BBOF1: variants seen among roughly 807,000 people sequenced by gnomAD.
BBOF1 encodes the protein basal body orientation factor 1.
BBOF1 carries 62 observed loss-of-function variants against 68.0 expected under a neutral mutation model. The ratio of observed to expected loss-of-function variants is 0.91; its 90% CI spans 0.74 to 1.13. The LOEUF (loss-of-function observed/expected upper bound fraction) is 1.13, where lower values mean the gene tolerates loss of function less well. Among genes scored for constraint, BBOF1 ranks in the 50% most tolerant of loss-of-function variants. The probability of loss-of-function intolerance (pLI) is 0.00; values close to 1 mark genes in which losing one functional copy is unlikely to be tolerated. For synonymous variants in BBOF1, 208 were observed against 198.8 expected, an observed-to-expected ratio of 1.05 and a Z score of -0.39; for missense variants, 534 against 600.1, an observed-to-expected ratio of 0.89 and a Z score of 1.15.
chr14:74,024,417 C>T (rs1290919437), intron 2 of BBOF1, among the ~76,000 whole-genome samples: 2 of 152,118 alleles, frequency 1.3e-5, no homozygotes, highest in African/African-American at 4.8e-5. Flanking sequence ...GGTCATGTCA[C>T]GGCAGTCCAA....
At chr14:74,072,085 C>A in intron 9 of BBOF1, 2 of 1,571,128 alleles carry the variant, frequency 1.3e-6, no homozygotes, top group South Asian at 1.1e-5. Context: ...GGGAGAGAGT[C>A]ATGATCAACG....
At chr14:74,019,639 T>A in intron 1 of BBOF1, 105 bp downstream of exon 1, 1 of 1,508,532 alleles carries the variant, frequency 6.6e-7, no homozygotes, top group Non-Finnish European at 8.9e-7. Context: ...TCGGACCCTC[T>A]CCCCGGCTCT....
intron 8 of BBOF1, among the ~76,000 whole-genome samples, chr14:74,050,830 C>G (rs1430878111): frequency 6.6e-6 from 1 of 152,112 alleles, no homozygotes; most frequent in East Asian, 1.9e-4. Flanking sequence ...ATTTGTAGGC[C>G]AGGCATGGTG....
At chr14:74,048,125 G>A in intron 7 of BBOF1, 51 bp downstream of exon 7, 1 of 1,560,224 alleles carries the variant, frequency 6.4e-7, no homozygotes, top group African/African-American at 1.4e-5. Flanking sequence ...TTAAGGATTG[G>A]GTTGGTAAAT....
intron 10 of BBOF1, among the ~76,000 whole-genome samples, chr14:74,079,241 CTGAGG>C (rs2060645720): frequency 6.6e-6 from 1 of 151,526 alleles, no homozygotes; most frequent in Admixed American, 6.6e-5. Flanking sequence ...CTTTGGGAGG[CTGAGG>C]TGGGAAGATC....
chr14:74,053,836 C>T (rs868445314), intron 8 of BBOF1, among the ~76,000 whole-genome samples: 7 of 151,844 alleles, frequency 4.6e-5, no homozygotes, highest in Admixed American at 1.3e-4. Context: ...CTCAGCCTCC[C>T]GAGGAGCTGG....
chr14:74,040,782 A>G, intron 5 of BBOF1, 137 bp downstream of exon 5: 1 of 568,144 alleles, frequency 1.8e-6, no homozygotes. Context: ...ATAGCACAAT[A>G]CAATGAGGGA....
chr14:74,044,737 C>T (rs2059911895), intron 5 of BBOF1, among the ~76,000 whole-genome samples: 1 of 152,094 alleles, frequency 6.6e-6, no homozygotes, highest in South Asian at 2.1e-4. Flanking sequence ...ACCAGCCTGG[C>T]CAACATGGTG....
chr14:74,060,774 TA>T (rs2060322254), intron 11 of BBOF1: 1 of 1,499,610 alleles, frequency 6.7e-7, no homozygotes, highest in African/African-American at 1.4e-5. Context: ...AAAGTTAGCA[TA>T]TATTTCTGGG....
chr14:74,066,805 G>A (rs1271258335), downstream of BBOF1: 6 of 1,613,846 alleles, frequency 3.7e-6, no homozygotes, highest in East Asian at 2.2e-5. Context: ...TCCCTCCTTT[G>A]TTCCACTATC....
chr14:74,074,242 G>A (rs902682569), intron 9 of BBOF1, among the ~76,000 whole-genome samples: 2 of 151,474 alleles, frequency 1.3e-5, no homozygotes, highest in East Asian at 3.9e-4. Context: ...CTCCCAAAGT[G>A]CTGGGATTAC....
At chr14:74,038,366 T>C (rs6574157) in intron 4 of BBOF1, among the ~76,000 whole-genome samples, 28,278 of 152,272 alleles carry the variant, frequency 0.19, 2,845 homozygotes, top group South Asian at 0.43. Flanking sequence ...TGAATTCAAA[T>C]GAATTAAGAA....
intron 12 of BBOF1, among the ~76,000 whole-genome samples, chr14:74,082,486 G>A (rs559956530): frequency 2.2e-5 from 3 of 134,804 alleles, no homozygotes; most frequent in Admixed American, 1.8e-4. Flanking sequence ...TGCAACCTCC[G>A]TCTTCCGGGT....
chr14:74,033,949 C>T (rs1337187015), intron 3 of BBOF1, 79 bp from the exon 4 acceptor site: 18 of 1,080,758 alleles, frequency 1.7e-5, no homozygotes, highest in Non-Finnish European at 2.0e-5. Context: ...ATGCAAATGG[C>T]GTAAGGCTTC....
chr14:74,060,470 A>T, intron 11 of BBOF1: 1 of 647,326 alleles, frequency 1.5e-6, no homozygotes. Flanking sequence ...TTTCATTGTT[A>T]CACTAGGCAG....
chr14:74,047,484 G>A (rs2059977227), intron 6 of BBOF1, among the ~76,000 whole-genome samples: 1 of 151,876 alleles, frequency 6.6e-6, no homozygotes. Context: ...AGGCTGGAGT[G>A]CAGTGGTACA....
intron 11 of BBOF1, among the ~76,000 whole-genome samples, chr14:74,064,312 T>TA (rs917245830): frequency 3.2e-4 from 38 of 119,216 alleles, no homozygotes; most frequent in African/African-American, 1.1e-3. Context: ...AAAAAAAAAA[T>TA]AATAATAATA....
At chr14:74,034,251 T>C in intron 4 of BBOF1, 80 bp downstream of exon 4, 1 of 930,912 alleles carries the variant, frequency 1.1e-6, no homozygotes, top group Non-Finnish European at 1.5e-6. Flanking sequence ...AAACATTTAC[T>C]CCTGTGAGAC....
intron 4 of BBOF1, 79 bp from the exon 5 acceptor site, chr14:74,040,486 T>C (rs1462820063): frequency 1.4e-5 from 12 of 849,790 alleles, no homozygotes; most frequent in East Asian, 5.4e-5. Context: ...CATTTCCTTA[T>C]TGATAATTTT....
Sources: gnomAD v4.1 joint callset for allele counts (sites outside exome capture counted in the v4.1 genomes callset) on GRCh38, gnomAD v4.1.1 for gene constraint, MANE v1.5 for transcripts, NCBI Gene and HGNC (gene_info 2026-07-23, HGNC 2026-07-21) for gene names.